ZC2HC1B: variants seen among roughly 807,000 people sequenced by gnomAD.
The protein encoded by ZC2HC1B is zinc finger C2HC domain-containing protein 1B.
In ZC2HC1B, 36 loss-of-function variants were observed where a neutral mutation model predicts 31.0. That is an observed-to-expected ratio of 1.16 (90% CI 0.89 to 1.54). ZC2HC1B has a LOEUF of 1.54. Among genes scored for constraint, ZC2HC1B ranks in the 40% most tolerant of loss-of-function variants. The probability of loss-of-function intolerance (pLI) is 0.00; values close to 1 mark genes in which losing one functional copy is unlikely to be tolerated. For synonymous variants in ZC2HC1B, 73 were observed against 88.0 expected, an observed-to-expected ratio of 0.83 and a Z score of 0.95; for missense variants, 260 against 268.6, an observed-to-expected ratio of 0.97 and a Z score of 0.22.
intron 4 of ZC2HC1B, among the ~76,000 whole-genome samples, chr6:143,889,087 G>A (rs1777566353): frequency 6.6e-6 from 1 of 151,976 alleles, no homozygotes; most frequent in African/African-American, 2.4e-5. Flanking sequence ...GCACAAGGTT[G>A]AGTGAGGAAA....
rs1443107325 is a variant in ZC2HC1B at position 143,869,709 on chromosome 6, T to G, written c.28+5142T>G. On this transcript the variant is annotated intron_variant, in intron 1 of 7. Coordinates refer to ENST00000237275, the MANE Select transcript of ZC2HC1B (RefSeq NM_001013623.3). This position sits in a 1 kb window ranked among gnomAD's most constrained non-coding sequence, Gnocchi z 5.2. ...CCAGCAGGTAGCTGGCTGATCACCCTGAGAAGTGGTGCCATATCGAGGTCT... is the reference window on the plus strand; with the variant it reads ...CCAGCAGGTAGCTGGCTGATCACCCGGAGAAGTGGTGCCATATCGAGGTCT... Among the ~76,000 whole-genome samples the G allele has an allele frequency of 6.6e-6, 1 of 152,226 alleles. No individual in the cohort carries two copies. The highest frequency in any genetic ancestry group is 2.4e-5 in the African/African-American group (1 of 41,454).
rs1278390806 is a variant in ZC2HC1B, at chr6:143,908,158, AT to A, written c.598+5007del. On this transcript the variant is annotated intron_variant, in intron 6 of 7. Transcript: ENST00000237275. The surrounding 1 kb of genome is among the most constrained non-coding windows in gnomAD (Gnocchi z 4.4). ...CTCTGAGTCTTTTTGTACTAGTGTA[AT>A]GCTGTTTTGGTTACTGTAGCCTTGT... Among the ~76,000 whole-genome samples, 2 of 152,178 alleles carry A rather than the reference AT, an allele frequency of 1.3e-5. No homozygotes were observed. Among genetic ancestry groups the A allele is most frequent in the Admixed American group, 6.5e-5 (1 of 15,272 alleles).
rs1777821854 is a variant in ZC2HC1B, at chr6:143,908,417, A to G, written c.598+5265A>G. Among the ~76,000 whole-genome samples the G allele has an allele frequency of 6.6e-6, 1 of 151,966 alleles. No individual in the cohort carries two copies. The highest frequency in any genetic ancestry group is 1.5e-5 in the Non-Finnish European group (1 of 67,980). ...TTCTTCCTATTCATGAGCATGGTAT[A>G]TTTTTCCATTTGTTTGTGTCATCTC... On this transcript the variant is annotated intron_variant, in intron 6 of 7. Transcript: ENST00000237275. The surrounding 1 kb of genome is among the most constrained non-coding windows in gnomAD (Gnocchi z 4.4).
intron 1 of ZC2HC1B, among the ~76,000 whole-genome samples, chr6:143,877,272 C>CTTTTTTTTTTTTTTTTTTTTTTT (rs34994479): frequency 4.7e-5 from 2 of 42,594 alleles, no homozygotes; most frequent in South Asian, 8.9e-4. Flanking sequence ...TTTTTAATTT[C>CTTTTTTTTTTTTTTTTTTTTTTT]TTTTTTTTTT....
intron 6 of ZC2HC1B, among the ~76,000 whole-genome samples, chr6:143,929,866 G>T (rs1778097313): frequency 6.6e-6 from 1 of 152,120 alleles, no homozygotes; most frequent in South Asian, 2.1e-4. Flanking sequence ...AAATTTTCCA[G>T]TTTGTGAGCA....
intron 6 of ZC2HC1B, among the ~76,000 whole-genome samples, chr6:143,925,536 C>CTT (rs36007959): frequency 0.015 from 1,545 of 104,892 alleles, 39 homozygotes; most frequent in African/African-American, 0.055. Context: ...CTTTTCTTTT[C>CTT]TTTTTTTTTT....
rs1777755123 is a variant in ZC2HC1B, at chr6:143,903,076, A to T, written c.522A>T (p.Pro174=). The change falls in exon 6 of 8, where the codon CCA becomes CCT. Residue 174 remains proline (P), a synonymous_variant. Transcript: ENST00000237275. The surrounding 1 kb of genome is among the most constrained non-coding windows in gnomAD (Gnocchi z 4.3). ...CTCAGATGGGTCCAAAAAAAGAACCAACTGTTACCAGTGCTGTGGGAGCTT... is the reference window on the plus strand; with the variant it reads ...CTCAGATGGGTCCAAAAAAAGAACCTACTGTTACCAGTGCTGTGGGAGCTT... ...GRAQMGPKKE[P]TVTSAVGALL... is the part of the protein sequence containing the mutation. 6.4e-7 allele frequency: 1 copy of T among 1,551,842 alleles called. No individual in the cohort carries two copies. The highest frequency in any genetic ancestry group is 8.7e-7 in the Non-Finnish European group (1 of 1,147,014).
chr6:143,919,003 T>C (rs2128496716), intron 6 of ZC2HC1B, among the ~76,000 whole-genome samples: 1 of 152,288 alleles, frequency 6.6e-6, no homozygotes, highest in East Asian at 1.9e-4. Context: ...TCTTCAGTTG[T>C]TTAAAAGTAT....
Position 143,927,773 on chromosome 6 carries a change from C to G in ZC2HC1B, c.599-9876C>G, listed in dbSNP as rs1040829840. 7.9e-5 allele frequency among the ~76,000 whole-genome samples: 12 copies of G among 152,248 alleles called. No individual in the cohort carries two copies. In the East Asian group the frequency reaches 2.3e-3, roughly 29 times the overall value. On this transcript the variant is annotated intron_variant, in intron 6 of 7. Transcript: ENST00000237275. ...TTTCTACCAACATTTATAAGTGTTC[C>G]CTTTTCTCTGCATCTTTGCCAACAT...
At chr6:143,935,274 T>C (rs1164740683) in intron 6 of ZC2HC1B, among the ~76,000 whole-genome samples, 1 of 151,996 alleles carries the variant, frequency 6.6e-6, no homozygotes, top group Non-Finnish European at 1.5e-5. Flanking sequence ...GCAGGGTGGG[T>C]TGATCCCCAG....
intron 1 of ZC2HC1B, among the ~76,000 whole-genome samples, chr6:143,867,945 A>C (rs1777286609): frequency 2.0e-5 from 3 of 152,222 alleles, no homozygotes; most frequent in African/African-American, 4.8e-5. Flanking sequence ...AATGGGGTAC[A>C]GGGGATGTAG....
Position 143,884,271 on chromosome 6 carries a change from A to G in ZC2HC1B, c.29-33A>G. On this transcript the variant is annotated intron_variant, in intron 1 of 7. Transcript: ENST00000237275. The surrounding 1 kb of genome is among the most constrained non-coding windows in gnomAD (Gnocchi z 5.1). ...TCTTCTCAGCGAGGAAATTCCATGAAACTAACATAATGTGCTCTTGAATTT... is the reference window on the plus strand; with the variant it reads ...TCTTCTCAGCGAGGAAATTCCATGAGACTAACATAATGTGCTCTTGAATTT... 1 of 1,500,182 alleles carries G rather than the reference A, an allele frequency of 6.7e-7. No individual in the cohort carries two copies. The highest frequency in any genetic ancestry group is 1.7e-4 in the Middle Eastern group (1 of 5,794). The allele number at this position is 1,500,182 out of a possible 1,614,324, so 92.9% of individuals were successfully genotyped here. A position where few individuals can be genotyped will look rare whatever the true frequency, so the allele number is the denominator to read the frequency against.
chr6:143,898,558 T>G lies in ZC2HC1B; in HGVS notation c.356T>G (p.Ile119Ser), dbSNP rs1313542862. The G allele has an allele frequency of 1.9e-5, 29 of 1,551,572 alleles. No individual in the cohort carries two copies. The highest frequency in any genetic ancestry group is 2.5e-5 in the Non-Finnish European group (29 of 1,146,934). Residue 119 changes from isoleucine to serine, a missense_variant, in exon 5 of 8, where the codon ATT (isoleucine) becomes AGT (serine). Transcript: ENST00000237275. ...TTGTTATCTTTACATTCAGATTATATTCAACGTCCATATTGTATGAGAAGG... is the reference window on the plus strand; with the variant it reads ...TTGTTATCTTTACATTCAGATTATAGTCAACGTCCATATTGTATGAGAAGG... ...PPPPSLNPDY[I>S]QRPYCMRRFN...
At chr6:143,909,806 CTTT>C (rs542157033) in intron 6 of ZC2HC1B, among the ~76,000 whole-genome samples, 31 of 152,118 alleles carry the variant, frequency 2.0e-4, no homozygotes, top group African/African-American at 7.0e-4. Flanking sequence ...CTCTTTTCTT[CTTT>C]ACTAGTCTAG....
intron 4 of ZC2HC1B, among the ~76,000 whole-genome samples, chr6:143,894,788 C>T (rs1777646228): frequency 6.6e-6 from 1 of 152,090 alleles, no homozygotes; most frequent in African/African-American, 2.4e-5. Flanking sequence ...TTGATGGCTA[C>T]CTTATGGTTC....
At chr6:143,889,865 G>C (rs1777576448) in intron 4 of ZC2HC1B, among the ~76,000 whole-genome samples, 1 of 152,098 alleles carries the variant, frequency 6.6e-6, no homozygotes, top group Admixed American at 6.6e-5. Context: ...AGAAGACAGT[G>C]TTTTCAAGTA....
At position 143,884,261 on chromosome 6, in the gene ZC2HC1B, A is replaced by C. The variant is rs1192071045; in HGVS notation, c.29-43A>C. 1 of 1,488,908 alleles carries C rather than the reference A, an allele frequency of 6.7e-7. No individual in the cohort carries two copies. The highest frequency in any genetic ancestry group is 9.1e-7 in the Non-Finnish European group (1 of 1,100,530). 92.2% of individuals were successfully genotyped at this position (1,488,908 alleles called of 1,614,324 possible). ...GTCAGTCATTTCTTCTCAGCGAGGAAATTCCATGAAACTAACATAATGTGC... is the reference window on the plus strand; with the variant it reads ...GTCAGTCATTTCTTCTCAGCGAGGACATTCCATGAAACTAACATAATGTGC... On this transcript the variant is annotated intron_variant, in intron 1 of 7. Transcript: ENST00000237275. The surrounding 1 kb of genome is among the most constrained non-coding windows in gnomAD (Gnocchi z 5.1).
rs1179322452 is a variant in ZC2HC1B at position 143,886,642 on chromosome 6, A to G, written c.211-41A>G. ...TTAAACAAAATTGTAATGGAGAGGT[A>G]TATAGTCTAGGGTATTATTTGTTGG... On this transcript the variant is annotated intron_variant, in intron 3 of 7. Coordinates refer to ENST00000237275, the MANE Select transcript of ZC2HC1B (RefSeq NM_001013623.3). This position sits in a 1 kb window ranked among gnomAD's most constrained non-coding sequence, Gnocchi z 4.2. 3 of 1,474,548 alleles carry G rather than the reference A, an allele frequency of 2.0e-6. No homozygotes were observed. Among genetic ancestry groups the G allele is most frequent in the East Asian group, 2.6e-5 (1 of 37,984 alleles). 91.3% of individuals were successfully genotyped at this position (1,474,548 alleles called of 1,614,324 possible). A position where few individuals can be genotyped will look rare whatever the true frequency, so the allele number is the denominator to read the frequency against.
chr6:143,930,420 T>A, intron 6 of ZC2HC1B, among the ~76,000 whole-genome samples: 1 of 146,712 alleles, frequency 6.8e-6, no homozygotes, highest in Non-Finnish European at 1.5e-5. Flanking sequence ...GGAGTCTTGC[T>A]CTGTCGCCCA....
Sources: allele counts gnomAD v4.1 joint callset (sites outside exome capture counted in the v4.1 genomes callset), GRCh38; gene constraint gnomAD v4.1.1; non-coding constraint Gnocchi (gnomAD v3.1); transcripts MANE v1.5; gene names NCBI Gene and HGNC (gene_info 2026-07-23, HGNC 2026-07-21).